SORCS2: variants seen among roughly 807,000 people sequenced by gnomAD.
The protein encoded by SORCS2 is sortilin related VPS10 domain containing receptor 2, also known as VPS10 domain-containing receptor SorCS2.
In SORCS2, 100 loss-of-function variants were observed where a neutral mutation model predicts 141.6. The observed-to-expected ratio is 0.71, with a 90% CI of 0.60 to 0.83. SORCS2 has a LOEUF of 0.83. Ranked by LOEUF, SORCS2 falls within the 40% of genes least tolerant of loss-of-function variation. The pLI is 0.00. For synonymous variants in SORCS2, 789 were observed against 676.9 expected, an observed-to-expected ratio of 1.17 and a Z score of -2.57; for missense variants, 1,646 against 1,560.2, an observed-to-expected ratio of 1.05 and a Z score of -0.93.
At chr4:7,231,328 C>G (rs1200017636) in intron 1 of SORCS2, among the ~76,000 whole-genome samples, 3 of 152,224 alleles carry the variant, frequency 2.0e-5, no homozygotes, top group African/African-American at 7.2e-5. Context: ...GGGCAATGTG[C>G]TTCACTCAGT....
At chr4:7,735,047 C>T (rs1712054642) in intron 25 of SORCS2, among the ~76,000 whole-genome samples, 1 of 152,254 alleles carries the variant, frequency 6.6e-6, no homozygotes, top group Non-Finnish European at 1.5e-5. Flanking sequence ...GTCATGGCCA[C>T]CCTGCAGGGG....
chr4:7,296,807 C>T (rs753991151), intron 1 of SORCS2, among the ~76,000 whole-genome samples: 4 of 152,208 alleles, frequency 2.6e-5, no homozygotes, highest in Non-Finnish European at 5.9e-5. Flanking sequence ...CCCCAACACA[C>T]ATACACACAC....
chr4:7,317,200 C>G (rs1437845362), intron 1 of SORCS2, among the ~76,000 whole-genome samples: 12 of 152,138 alleles, frequency 7.9e-5, no homozygotes, highest in Non-Finnish European at 1.2e-4. Context: ...CCTACAGTGA[C>G]AAAGCTGCCG....
chr4:7,716,363 T>G (rs1726187449), intron 17 of SORCS2, among the ~76,000 whole-genome samples: 1 of 152,082 alleles, frequency 6.6e-6, no homozygotes, highest in Non-Finnish European at 1.5e-5. Flanking sequence ...ATCTACCCAT[T>G]TATCCACCCA....
intron 1 of SORCS2, among the ~76,000 whole-genome samples, chr4:7,200,771 T>C (rs6810708): frequency 0.61 from 93,408 of 152,022 alleles, 30,578 homozygotes; most frequent in East Asian, 0.91. Context: ...ATTTATCAAA[T>C]GAGGATCATG....
At chr4:7,330,682 C>T (rs910493023) in intron 1 of SORCS2, among the ~76,000 whole-genome samples, 1 of 152,086 alleles carries the variant, frequency 6.6e-6, no homozygotes, top group African/African-American at 2.4e-5. Context: ...GTGCAACTTA[C>T]ATCCATGCTC....
At chr4:7,463,911 T>C (rs1022539438) in intron 2 of SORCS2, among the ~76,000 whole-genome samples, 9 of 152,148 alleles carry the variant, frequency 5.9e-5, no homozygotes, top group Admixed American at 2.6e-4. Flanking sequence ...AGGCTGGTGA[T>C]TTCAAACAGG....
chr4:7,661,456 T>C (rs1722159975), intron 5 of SORCS2, 44 bp from the exon 6 acceptor site: 1 of 1,545,044 alleles, frequency 6.5e-7, no homozygotes, highest in African/African-American at 1.4e-5. Flanking sequence ...GGGACGGGCA[T>C]GGTGACTCCA....
chr4:7,399,220 C>T (rs1432604995), intron 2 of SORCS2, among the ~76,000 whole-genome samples: 1 of 152,168 alleles, frequency 6.6e-6, no homozygotes, highest in Non-Finnish European at 1.5e-5. Flanking sequence ...CCATCACTCT[C>T]TCTTCAAGAT....
intron 4 of SORCS2, among the ~76,000 whole-genome samples, chr4:7,643,690 G>C (rs1229008899): frequency 6.6e-6 from 1 of 152,186 alleles, no homozygotes; most frequent in Non-Finnish European, 1.5e-5. Flanking sequence ...AACCCTCACA[G>C]TCCCCCAGCC....
chr4:7,283,432 G>A (rs1041537959), intron 1 of SORCS2, among the ~76,000 whole-genome samples: 3 of 152,236 alleles, frequency 2.0e-5, no homozygotes. Context: ...GGCTTCGGTA[G>A]GTGTTTGTGG....
intron 14 of SORCS2, among the ~76,000 whole-genome samples, chr4:7,709,695 C>T (rs1725698982): frequency 6.6e-6 from 1 of 152,224 alleles, no homozygotes; most frequent in Admixed American, 6.5e-5. Context: ...CTTTCGGCCA[C>T]TCTGTCCTTC....
At chr4:7,450,921 G>A (rs1027409379) in intron 2 of SORCS2, among the ~76,000 whole-genome samples, 2 of 151,112 alleles carry the variant, frequency 1.3e-5, no homozygotes, top group Non-Finnish European at 2.9e-5. Flanking sequence ...AATGAATGAG[G>A]AAGTGAGGGA....
chr4:7,541,061 C>T (rs1303377714), intron 3 of SORCS2, among the ~76,000 whole-genome samples: 1 of 152,224 alleles, frequency 6.6e-6, no homozygotes, highest in African/African-American at 2.4e-5. Flanking sequence ...TGCCATCTGT[C>T]ATGACCATGG....
chr4:7,352,659 T>C (rs117382101), intron 1 of SORCS2, among the ~76,000 whole-genome samples: 1 of 152,326 alleles, frequency 6.6e-6, no homozygotes, highest in East Asian at 1.9e-4. Flanking sequence ...ACATGCTCAC[T>C]TAGTGAGCTC....
chr4:7,304,131 C>A (rs143286070), intron 1 of SORCS2, among the ~76,000 whole-genome samples: 5 of 152,244 alleles, frequency 3.3e-5, no homozygotes, highest in African/African-American at 1.2e-4. Context: ...GTGGTCCCCA[C>A]GCTGGAGATA....
intron 3 of SORCS2, among the ~76,000 whole-genome samples, chr4:7,602,560 C>T (rs188633573): frequency 0.02 from 2,998 of 150,294 alleles, 96 homozygotes; most frequent in African/African-American, 0.066. Flanking sequence ...GATGGGATGG[C>T]GGCGGCCGGG....
intron 8 of SORCS2, among the ~76,000 whole-genome samples, chr4:7,670,791 G>A (rs563839156): frequency 2.7e-5 from 4 of 150,304 alleles, no homozygotes; most frequent in East Asian, 1.9e-4. Flanking sequence ...CTAGAGCAGC[G>A]TGCACAGAGC....
rs116607451 is a variant in SORCS2, at chr4:7,333,032, G to C, written c.481-63256G>C. Among the ~76,000 whole-genome samples, 504 of 152,346 alleles carry C rather than the reference G, an allele frequency of 3.3e-3. 1 individual carries two copies. The highest frequency in any genetic ancestry group is 0.012 in the African/African-American group (486 of 41,572). On this transcript the variant is annotated intron_variant, in intron 1 of 26. Transcript: ENST00000507866. The stretch of plus-strand genomic sequence containing the variant: ...GCACCTGGCACGGAACAGGCTCCTG[G>C]GGGCTGGTCTTTATTCACAGAGTGT...
Sources: gnomAD v4.1 joint callset for allele counts (sites outside exome capture counted in the v4.1 genomes callset) on GRCh38, gnomAD v4.1.1 for gene constraint, MANE v1.5 for transcripts, NCBI Gene and HGNC (gene_info 2026-07-23, HGNC 2026-07-21) for gene names.